Variants in SLIT3 observed in about 807,000 individuals in gnomAD.
The protein encoded by SLIT3 is slit homolog 3 protein.
In SLIT3, 68 loss-of-function variants were observed where a neutral mutation model predicts 184.0. That is an observed-to-expected ratio of 0.37 (90% CI 0.30 to 0.45). The LOEUF is 0.45. Among genes scored for constraint, SLIT3 ranks in the 20% least tolerant of loss-of-function variants. SLIT3 has a pLI of 1.00. For synonymous variants in SLIT3, 831 were observed against 828.6 expected, an observed-to-expected ratio of 1.00 and a Z score of -0.05; for missense variants, 1,707 against 2,026.0, an observed-to-expected ratio of 0.84 and a Z score of 3.02.
At chr5:168,687,895 T>C (rs1446884513) in intron 29 of SLIT3, among the ~76,000 whole-genome samples, 1 of 152,210 alleles carries the variant, frequency 6.6e-6, no homozygotes, top group Non-Finnish European at 1.5e-5. Context: ...TGGGAACACC[T>C]GCTCTGCCCC....
chr5:169,165,711 C>T (rs1003318528), intron 4 of SLIT3, among the ~76,000 whole-genome samples: 3 of 151,648 alleles, frequency 2.0e-5, no homozygotes, highest in Middle Eastern at 3.2e-3. Flanking sequence ...AAATTCACTC[C>T]ACCCTTCCAC....
intron 9 of SLIT3, among the ~76,000 whole-genome samples, chr5:168,796,998 A>G (rs1305016873): frequency 1.3e-5 from 2 of 151,846 alleles, no homozygotes. Flanking sequence ...TGCCGGATGA[A>G]TAGAGTCTAC....
At chr5:169,220,080 C>T (rs1764571031) in intron 3 of SLIT3, among the ~76,000 whole-genome samples, 1 of 152,070 alleles carries the variant, frequency 6.6e-6, no homozygotes. Context: ...GCAGTGTCTC[C>T]TGGCTCCCCT....
In SLIT3 at chr5:169,251,383, C is replaced by T; in HGVS notation, c.269+5G>A. ...AAACACACTTGAGAGCCATCAACTA[C>T]TTACAAGACTCGGAGGTTCTTGAGC... On this transcript the variant is annotated splice_donor_5th_base_variant and intron_variant, in intron 2 of 35. Coordinates refer to ENST00000519560, the MANE Select transcript of SLIT3 (RefSeq NM_003062.4). The T allele has an allele frequency of 6.2e-7, 1 of 1,606,104 alleles. No individual in the cohort carries two copies.
intron 6 of SLIT3, among the ~76,000 whole-genome samples, chr5:168,841,685 A>G (rs1241177448): frequency 6.6e-6 from 1 of 152,218 alleles, no homozygotes; most frequent in African/African-American, 2.4e-5. Context: ...GCCTCGATGG[A>G]AAGAAGTTTT....
chr5:169,288,035 T>C (rs1250936069), intron 1 of SLIT3, among the ~76,000 whole-genome samples: 2 of 152,174 alleles, frequency 1.3e-5, no homozygotes, highest in African/African-American at 2.4e-5. Flanking sequence ...CCTAGGAAAA[T>C]TCCTCCTGCT....
rs1764244563 is a variant in SLIT3, at chr5:169,210,912, G to A, written c.342-17362C>T. Among the ~76,000 whole-genome samples the A allele has an allele frequency of 1.3e-5, 2 of 152,198 alleles. 1 individual carries two copies. Among genetic ancestry groups the A allele is most frequent in the South Asian group, 4.1e-4 (2 of 4,838 alleles). On this transcript the variant is annotated intron_variant, in intron 3 of 35. Transcript: ENST00000519560. Reference sequence around the variant, plus strand: ...GTATATATTTCCATGTTCCATTGATGTTGGGTGTGGCCATGTAACTTGATT... The same window carrying A: ...GTATATATTTCCATGTTCCATTGATATTGGGTGTGGCCATGTAACTTGATT...
At chr5:169,273,592 C>T (rs1034211440) in intron 1 of SLIT3, among the ~76,000 whole-genome samples, 8 of 152,188 alleles carry the variant, frequency 5.3e-5, no homozygotes, top group African/African-American at 1.9e-4. Context: ...AGGATTCATA[C>T]TATTTTAAAG....
chr5:169,067,880 C>T (rs190567617), intron 4 of SLIT3, among the ~76,000 whole-genome samples: 1 of 152,192 alleles, frequency 6.6e-6, no homozygotes, highest in Non-Finnish European at 1.5e-5. Context: ...CCAGCGGCTG[C>T]TAACGCTCAG....
chr5:168,818,835 A>G (rs1757426582), intron 7 of SLIT3, among the ~76,000 whole-genome samples: 1 of 152,254 alleles, frequency 6.6e-6, no homozygotes, highest in Non-Finnish European at 1.5e-5. Context: ...TGTGTGGGCA[A>G]AAGCCTCCCA....
intron 4 of SLIT3, among the ~76,000 whole-genome samples, chr5:169,162,194 C>G (rs1307251207): frequency 6.6e-6 from 1 of 152,172 alleles, no homozygotes; most frequent in African/African-American, 2.4e-5. Context: ...CCCAGTATGA[C>G]AGTCATCCTC....
intron 4 of SLIT3, among the ~76,000 whole-genome samples, chr5:168,973,239 T>TTTTAA (rs200860258): frequency 0.063 from 9,631 of 152,122 alleles, 369 homozygotes; most frequent in African/African-American, 0.095. Context: ...TCATTGAAAA[T>TTTTAA]TTTAATTATT....
At chr5:169,197,542 A>G (rs978627109) in intron 3 of SLIT3, among the ~76,000 whole-genome samples, 5 of 152,160 alleles carry the variant, frequency 3.3e-5, no homozygotes, top group Admixed American at 6.5e-5. Context: ...GACAGTGGCT[A>G]TTGGCCATGG....
intron 4 of SLIT3, among the ~76,000 whole-genome samples, chr5:169,137,329 C>CAGAGAGAGAGAGAGAG (rs573469556): frequency 1.9e-3 from 183 of 97,972 alleles, no homozygotes; most frequent in African/African-American, 4.5e-3. Flanking sequence ...CACACACACA[C>CAGAGAGAGAGAGAGAG]ACACACAGAG....
chr5:168,832,622 T>C (rs1267614256), intron 6 of SLIT3, among the ~76,000 whole-genome samples: 3 of 152,088 alleles, frequency 2.0e-5, no homozygotes, highest in Admixed American at 1.3e-4. Context: ...TATAAGTGAG[T>C]GAGCTGCGTG....
chr5:168,853,246 G>C (rs916266258), intron 5 of SLIT3, among the ~76,000 whole-genome samples: 1 of 152,082 alleles, frequency 6.6e-6, no homozygotes, highest in Admixed American at 6.5e-5. Flanking sequence ...CTACACCAAA[G>C]AAAATACAAA....
rs1581115672 is a variant in SLIT3 at position 168,820,146 on chromosome 5, C to T, written c.630-2683G>A. On this transcript the variant is annotated intron_variant, in intron 7 of 35. Coordinates refer to ENST00000519560, the MANE Select transcript of SLIT3 (RefSeq NM_003062.4). Reference sequence around the variant, plus strand: ...CACTGTCAGGGGTAGCGCTAATCCTCTTGAGTGAGAAGGGACATTATTTTA... The same window carrying T: ...CACTGTCAGGGGTAGCGCTAATCCTTTTGAGTGAGAAGGGACATTATTTTA... Among the ~76,000 whole-genome samples, 3 of 152,148 alleles carry T rather than the reference C, an allele frequency of 2.0e-5. No individual in the cohort carries two copies. The South Asian group carries it at 6.2e-4, about 32-fold the overall frequency.
intron 1 of SLIT3, among the ~76,000 whole-genome samples, chr5:169,263,046 G>C (rs1766252617): frequency 6.6e-6 from 1 of 152,182 alleles, no homozygotes; most frequent in Non-Finnish European, 1.5e-5. Context: ...GTCCTTATTA[G>C]AAGAGGAGAC....
intron 6 of SLIT3, among the ~76,000 whole-genome samples, chr5:168,824,757 T>C (rs996458708): frequency 2.6e-5 from 4 of 152,166 alleles, no homozygotes; most frequent in African/African-American, 9.7e-5. Flanking sequence ...CAGAACCACA[T>C]CAGACATCCC....
Sources: allele counts gnomAD v4.1 joint callset (sites outside exome capture counted in the v4.1 genomes callset), GRCh38; gene constraint gnomAD v4.1.1; transcripts MANE v1.5; gene names NCBI Gene and HGNC (gene_info 2026-07-23, HGNC 2026-07-21).